Variants in ACOXL observed in about 807,000 individuals in gnomAD.
The protein encoded by ACOXL is acyl-coenzyme A oxidase-like protein.
A neutral mutation model predicts 71.9 loss-of-function variants in ACOXL; 70 were observed. That is an observed-to-expected ratio of 0.97 (90% CI 0.80 to 1.19). The LOEUF (loss-of-function observed/expected upper bound fraction) is 1.19, where lower values mean the gene tolerates loss of function less well. Ranked by LOEUF, ACOXL falls within the 50% of genes most tolerant of loss-of-function variation. ACOXL has a pLI of 0.00. For synonymous variants in ACOXL, 253 were observed against 281.6 expected (o/e 0.90, Z 1.02); for missense variants, 703 against 736.3 (o/e 0.95, Z 0.52).
At chr2:111,004,969 A>T (rs900230151) in intron 14 of ACOXL, among the ~76,000 whole-genome samples, 3 of 152,248 alleles carry the variant, frequency 2.0e-5, no homozygotes, top group Non-Finnish European at 4.4e-5. Flanking sequence ...TTGTAGTTCT[A>T]TGAGGTAAGT....
Position 111,092,905 on chromosome 2 carries a change from G to T in ACOXL, c.1481G>T (p.Arg494Leu), listed in dbSNP as rs770996535. Residue 494 changes from arginine to leucine, a missense_variant, in exon 17 of 18, where the codon CGG becomes CTG. By Grantham distance (102) the Arg-to-Leu change is moderately radical (BLOSUM62 -2). Coordinates refer to ENST00000439055, the MANE Select transcript of ACOXL (RefSeq NM_001142807.4). ...GGAACCAAGCTGGTGTTTCAGGAGCGGGCCTGGTATTTAGAACATAAATAC... is the reference window on the plus strand; with the variant it reads ...GGAACCAAGCTGGTGTTTCAGGAGCTGGCCTGGTATTTAGAACATAAATAC... ...LYGTKLVFQE[R>L]AWYLEHKYLT... 52 of 1,613,840 alleles carry T rather than the reference G, an allele frequency of 3.2e-5. No homozygotes were observed. In the African/African-American group the frequency reaches 6.1e-4, roughly 19 times the overall value.
chr2:110,877,489 A>G (rs1696072462), intron 10 of ACOXL, among the ~76,000 whole-genome samples: 1 of 152,038 alleles, frequency 6.6e-6, no homozygotes, highest in Non-Finnish European at 1.5e-5. Context: ...GATCTCGCAA[A>G]TAGGGTTTTG....
chr2:110,965,901 G>C (rs1014644703), intron 12 of ACOXL, among the ~76,000 whole-genome samples: 9 of 152,060 alleles, frequency 5.9e-5, no homozygotes, highest in African/African-American at 2.2e-4. Context: ...TCTCTAATAG[G>C]CACACACAAA....
At chr2:110,749,579 T>A (rs966330486) in intron 1 of ACOXL, among the ~76,000 whole-genome samples, 9 of 152,128 alleles carry the variant, frequency 5.9e-5, no homozygotes, top group African/African-American at 2.2e-4. Flanking sequence ...TACAAAAACA[T>A]TAGCTGGGCA....
Position 111,043,494 on chromosome 2 carries a change from C to T in ACOXL, c.1370-5724C>T, listed in dbSNP as rs189676592. Among the ~76,000 whole-genome samples, 46 of 152,232 alleles carry T rather than the reference C, an allele frequency of 3.0e-4. 1 individual carries two copies. The East Asian group carries it at 6.0e-3, about 20-fold the overall frequency. The stretch of plus-strand genomic sequence containing the variant: ...GCTCTGCAGGATGAGCTGAGAGCGC[C>T]GCAGTCACACACAGGTGGGAGGAGA... On this transcript the variant is annotated intron_variant, in intron 15 of 17. Coordinates refer to ENST00000439055, the MANE Select transcript of ACOXL (RefSeq NM_001142807.4).
At chr2:110,919,395 G>A (rs530929869) in intron 11 of ACOXL, among the ~76,000 whole-genome samples, 5 of 150,668 alleles carry the variant, frequency 3.3e-5, no homozygotes, top group African/African-American at 1.2e-4. Flanking sequence ...ATCACACACC[G>A]GGGCCTGTTA....
chr2:110,891,109 ATATT>A (rs1697884251), intron 10 of ACOXL, among the ~76,000 whole-genome samples: 1 of 152,092 alleles, frequency 6.6e-6, no homozygotes, highest in South Asian at 2.1e-4. Flanking sequence ...TAATTTTTGT[ATATT>A]TATCTTGTAT....
intron 10 of ACOXL, among the ~76,000 whole-genome samples, chr2:110,844,427 G>A (rs933847404): frequency 6.6e-6 from 1 of 152,114 alleles, no homozygotes; most frequent in African/African-American, 2.4e-5. Context: ...ACTTCACGAG[G>A]TGTCTCTGAA....
intron 15 of ACOXL, among the ~76,000 whole-genome samples, chr2:111,042,039 C>A (rs1023569705): frequency 1.3e-5 from 2 of 152,284 alleles, no homozygotes; most frequent in Admixed American, 6.5e-5. Flanking sequence ...CTCCTTCAGG[C>A]CCCCCAGCCC....
intron 16 of ACOXL, among the ~76,000 whole-genome samples, chr2:111,081,209 T>C (rs2067897998): frequency 6.6e-6 from 1 of 152,138 alleles, no homozygotes; most frequent in South Asian, 2.1e-4. Context: ...GATATTCAAA[T>C]AGGAAGAGAG....
intron 10 of ACOXL, among the ~76,000 whole-genome samples, chr2:110,858,424 A>T (rs575468309): frequency 6.6e-6 from 1 of 152,184 alleles, no homozygotes; most frequent in South Asian, 2.1e-4. Flanking sequence ...GATGAGGCCA[A>T]TGCTTTCTAA....
intron 9 of ACOXL, among the ~76,000 whole-genome samples, chr2:110,814,947 A>G (rs1409464823): frequency 6.6e-6 from 1 of 152,200 alleles, no homozygotes; most frequent in Non-Finnish European, 1.5e-5. Flanking sequence ...GAGAAGAAAC[A>G]TATGCCTTCA....
intron 12 of ACOXL, among the ~76,000 whole-genome samples, chr2:110,944,644 G>A (rs1028662843): frequency 3.3e-5 from 5 of 152,084 alleles, no homozygotes; most frequent in African/African-American, 1.2e-4. Context: ...ATGGCCTCCA[G>A]CTCCATCCTT....
chr2:110,968,335 G>A (rs2062022191), intron 12 of ACOXL: 2 of 1,174,950 alleles, frequency 1.7e-6, no homozygotes, highest in African/African-American at 1.5e-5. Flanking sequence ...GGGAGCTGTG[G>A]CTGGAGGCTC....
In ACOXL at chr2:110,783,614, GAC is replaced by G. The variant is rs70958747; in HGVS notation, c.76-1105_76-1104del. ...GCTGGTGGAGCAGTGTAGAAACACA[GAC>G]ACACACACACACTTGCACACACACG... On this transcript the variant is annotated intron_variant, in intron 2 of 17. Coordinates refer to ENST00000439055, the MANE Select transcript of ACOXL (RefSeq NM_001142807.4). Among the ~76,000 whole-genome samples the G allele has an allele frequency of 6.4e-3, 966 of 152,038 alleles. 6 individuals carry two copies. The highest frequency in any genetic ancestry group is 0.01 in the Non-Finnish European group (684 of 67,954).
intron 11 of ACOXL, among the ~76,000 whole-genome samples, chr2:110,926,578 C>T (rs1380058210): frequency 2.0e-5 from 3 of 152,094 alleles, no homozygotes; most frequent in African/African-American, 4.8e-5. Context: ...TAATATCTGA[C>T]CTAGAGGGTT....
chr2:110,799,070 G>A lies in ACOXL; in HGVS notation c.517G>A (p.Val173Ile). The A allele has an allele frequency of 6.2e-7, 1 of 1,613,918 alleles. No individual in the cohort carries two copies. Among genetic ancestry groups the A allele is most frequent in the Non-Finnish European group, 8.5e-7 (1 of 1,179,894 alleles). The change falls in exon 7 of 18, where the codon GTC becomes ATC. Residue 173 changes from valine to isoleucine, a missense_variant. Coordinates refer to ENST00000439055, the MANE Select transcript of ACOXL (RefSeq NM_001142807.4). The part of the protein sequence containing the change: ...RDENGSLYPG[V>I]TAIDMMYKEG... The stretch of plus-strand genomic sequence containing the variant: ...TGAAAACGGAAGCTTGTACCCAGGA[G>A]TCACAGCTATTGATATGATGTACAA...
At chr2:110,802,341 T>G (rs1332994521) in intron 8 of ACOXL, among the ~76,000 whole-genome samples, 1 of 152,216 alleles carries the variant, frequency 6.6e-6, no homozygotes, top group Non-Finnish European at 1.5e-5. Flanking sequence ...AATGATGCTT[T>G]TCACAGAAGC....
At chr2:110,942,341 A>G (rs1003314904) in intron 12 of ACOXL, among the ~76,000 whole-genome samples, 1 of 152,240 alleles carries the variant, frequency 6.6e-6, no homozygotes, top group Admixed American at 6.5e-5. Context: ...ATAGAAAAGT[A>G]TAAGTAGGTT....
Sources: allele counts gnomAD v4.1 joint callset (sites outside exome capture counted in the v4.1 genomes callset), GRCh38; gene constraint gnomAD v4.1.1; transcripts MANE v1.5; gene names NCBI Gene and HGNC (gene_info 2026-07-23, HGNC 2026-07-21).